SEC14L5: variants seen among roughly 807,000 people sequenced by gnomAD.
SEC14L5 encodes the protein SEC14-like protein 5.
Under a neutral mutation model 84.6 loss-of-function variants are expected in SEC14L5, and 96 were observed. The observed-to-expected ratio is 1.13, with a 90% CI of 0.96 to 1.34. The LOEUF (loss-of-function observed/expected upper bound fraction) is 1.34, where lower values mean the gene tolerates loss of function less well. Among genes scored for constraint, SEC14L5 ranks in the 40% most tolerant of loss-of-function variants. The probability of loss-of-function intolerance (pLI) is 0.00; values close to 1 mark genes in which losing one functional copy is unlikely to be tolerated. For synonymous variants in SEC14L5, 546 were observed against 383.4 expected (o/e 1.42, Z -4.95); for missense variants, 1,224 against 942.5 (o/e 1.30, Z -3.91).
At chr16:5,000,599 C>A in intron 8 of SEC14L5, 56 bp from the exon 9 acceptor site, 1 of 1,366,800 alleles carries the variant, frequency 7.3e-7, no homozygotes, top group African/African-American at 1.4e-5. Context: ...ACCTGCCCCT[C>A]GGAAGCAGTC....
intron 11 of SEC14L5, among the ~76,000 whole-genome samples, chr16:5,004,975 G>C (rs1156701456): frequency 6.6e-6 from 1 of 152,216 alleles, no homozygotes; most frequent in Non-Finnish European, 1.5e-5. Context: ...AAAGGGGCCA[G>C]ACACGGAAGT....
chr16:4,999,813 G>A (rs1955655444), intron 8 of SEC14L5, among the ~76,000 whole-genome samples: 3 of 152,030 alleles, frequency 2.0e-5, no homozygotes, highest in Non-Finnish European at 4.4e-5. Flanking sequence ...TACCTGGGAG[G>A]CCGAGGTGTG....
At chr16:4,986,382 C>T (rs112002990) in intron 2 of SEC14L5, among the ~76,000 whole-genome samples, 2 of 152,284 alleles carry the variant, frequency 1.3e-5, no homozygotes, top group African/African-American at 4.8e-5. Flanking sequence ...TCAGGTGATC[C>T]ACCTGCCTTG....
rs1235441943 is a variant in SEC14L5 at position 5,008,624 on chromosome 16, C to G, written c.1776C>G (p.Val592=). The change falls in exon 14 of 16, where the codon GTC becomes GTG. Residue 592 remains valine, a synonymous_variant. Transcript: ENST00000251170. The part of the protein sequence containing the change: ...RDYSRVEAPL[V]CREGESIQGS... ...ACAGCCGTGTGGAGGCTCCCCTTGT[C>G]TGCCGGGAGGGGGAGAGCATCCAGG... 1 of 1,605,746 alleles carries G rather than the reference C, an allele frequency of 6.2e-7. No individual in the cohort carries two copies. Among genetic ancestry groups the G allele is most frequent in the Admixed American group, 1.8e-5 (1 of 56,890 alleles).
chr16:5,008,289 C>A (rs1198256743), intron 13 of SEC14L5, 132 bp from the exon 14 acceptor site: 3 of 672,134 alleles, frequency 4.5e-6, no homozygotes. Context: ...GGAGGGCACT[C>A]CTGTAAGGAA....
chr16:5,013,483 C>G (rs1955831615), intron 15 of SEC14L5, among the ~76,000 whole-genome samples: 1 of 149,984 alleles, frequency 6.7e-6, no homozygotes, highest in African/African-American at 2.5e-5. Flanking sequence ...AACTCCCGGG[C>G]TCAAGCAATC....
chr16:5,003,548 G>A lies in SEC14L5; in HGVS notation c.1277G>A (p.Arg426Gln), dbSNP rs1955699705. The A allele has an allele frequency of 2.0e-6, 3 of 1,474,036 alleles. No individual in the cohort carries two copies. The highest frequency in any genetic ancestry group is 1.4e-5 in the African/African-American group (1 of 69,430). The allele number at this position is 1,474,036 out of a possible 1,614,324, so 91.3% of individuals were successfully genotyped here. The part of the protein sequence containing the change: ...LGRLLIVRAP[R>Q]VFPVLWTLIS... ...CGGCTGCTCATCGTGCGAGCCCCCC[G>A]AGTCTTCCCCGTGCTCTGGACACTG... Residue 426 changes from arginine (R) to glutamine (Q), a missense_variant, in exon 11 of 16, where the codon CGA becomes CAA. Coordinates refer to ENST00000251170, the MANE Select transcript of SEC14L5 (RefSeq NM_014692.2).
rs776857803 is a variant in SEC14L5, at chr16:5,005,990, G to A, written c.1379G>A (p.Gly460Asp). 1 of 1,613,668 alleles carries A rather than the reference G, an allele frequency of 6.2e-7. No individual in the cohort carries two copies. The highest frequency in any genetic ancestry group is 8.5e-7 in the Non-Finnish European group (1 of 1,179,790). Residue 460 changes from glycine (G) to aspartate (D), a missense_variant, in exon 12 of 16, where the codon GGC (glycine) becomes GAC (aspartate). Physicochemically the swap from Gly to Asp is moderately conservative, Grantham distance 94 (BLOSUM62 -1). Coordinates refer to ENST00000251170, the MANE Select transcript of SEC14L5 (RefSeq NM_014692.2). ...YSGSNYQGPGGLVDYLDREVI... is the reference protein window; with the variant it reads ...YSGSNYQGPGDLVDYLDREVI... ...GGCAGCAACTACCAGGGACCCGGAG[G>A]CCTTGTGGACTATCTGGATAGAGAA...
At chr16:4,986,355 G>T (rs1298663904) in intron 2 of SEC14L5, among the ~76,000 whole-genome samples, 2 of 152,154 alleles carry the variant, frequency 1.3e-5, no homozygotes, top group Non-Finnish European at 2.9e-5. Context: ...GGCCAGGCTG[G>T]TCTTGAACTC....
Position 4,987,500 on chromosome 16 carries a change from G to A in SEC14L5, c.64-57G>A, listed in dbSNP as rs527352233. On this transcript the variant is annotated intron_variant, in intron 2 of 15. Transcript: ENST00000251170. ...ACAGCAGATAAGGAGGTCGCGCTGG[G>A]GGGGGGGGTCCCTCTGCCCCCCCCA... The A allele has an allele frequency of 4.4e-5, 55 of 1,258,014 alleles. No homozygotes were observed. The East Asian group carries it at 5.1e-4, about 12-fold the overall frequency. 77.9% of individuals were successfully genotyped at this position (1,258,014 alleles called of 1,614,324 possible).
chr16:4,998,563 C>G (rs1218502440), intron 8 of SEC14L5, among the ~76,000 whole-genome samples: 2 of 148,586 alleles, frequency 1.3e-5, no homozygotes, highest in African/African-American at 4.9e-5. Flanking sequence ...ACGGTGAAAC[C>G]CCGTCTCTAC....
chr16:5,003,312 G>A lies in SEC14L5; in HGVS notation c.1131-90G>A, dbSNP rs74005473. 2,460 of 997,258 alleles carry A rather than the reference G, an allele frequency of 2.5e-3. 35 individuals carry two copies. The African/African-American group carries it at 0.034, about 14-fold the overall frequency. The allele number at this position is 997,258 out of a possible 1,614,324, so 61.8% of individuals were successfully genotyped here. A position where few individuals can be genotyped will look rare whatever the true frequency, so the allele number is the denominator to read the frequency against. On this transcript the variant is annotated intron_variant, in intron 10 of 15. Coordinates refer to ENST00000251170, the MANE Select transcript of SEC14L5 (RefSeq NM_014692.2). ...CCATCTGCTCCCAGCCCTATCTCTC[G>A]GAGCCTCCCTGTTCATCCCCTGTGG...
At chr16:5,013,686 G>C (rs1321989137) in intron 15 of SEC14L5, among the ~76,000 whole-genome samples, 1 of 150,492 alleles carries the variant, frequency 6.6e-6, no homozygotes, top group African/African-American at 2.4e-5. Flanking sequence ...AGCCTCCTGA[G>C]TAGCTGGGAT....
intron 2 of SEC14L5, among the ~76,000 whole-genome samples, chr16:4,984,035 A>G (rs945666259): frequency 2.0e-5 from 3 of 152,214 alleles, no homozygotes; most frequent in Admixed American, 6.5e-5. Context: ...TTCACATATC[A>G]TACAACTCAT....
At chr16:4,959,531 T>C in intron 2 of SEC14L5, 145 bp downstream of exon 2, 1 of 711,964 alleles carries the variant, frequency 1.4e-6, no homozygotes, top group Non-Finnish European at 2.5e-6. Context: ...GTTTAACTTC[T>C]ATCCAGTGAC....
chr16:4,960,520 G>A (rs1955109547), intron 2 of SEC14L5: 2 of 152,122 alleles, frequency 1.3e-5, no homozygotes, highest in African/African-American at 4.8e-5. Flanking sequence ...TATGTTTATT[G>A]TCACACAGAG....
intron 2 of SEC14L5, among the ~76,000 whole-genome samples, chr16:4,983,095 TG>T (rs548479528): frequency 1.2e-3 from 186 of 152,198 alleles, no homozygotes; most frequent in African/African-American, 4.3e-3. Context: ...CTCTGCTTCC[TG>T]GGTTCAAGCG....
At chr16:4,969,530 C>G (rs1955248800) in intron 2 of SEC14L5, among the ~76,000 whole-genome samples, 1 of 152,034 alleles carries the variant, frequency 6.6e-6, no homozygotes, top group Non-Finnish European at 1.5e-5. Flanking sequence ...ATTACAGGTG[C>G]CTGCCACCAT....
chr16:4,973,032 G>T (rs1955298817), intron 2 of SEC14L5, among the ~76,000 whole-genome samples: 1 of 152,228 alleles, frequency 6.6e-6, no homozygotes, highest in Admixed American at 6.5e-5. Flanking sequence ...GATGTCAGGG[G>T]CTGGTGATGC....
Sources: allele counts gnomAD v4.1 joint callset (sites outside exome capture counted in the v4.1 genomes callset), GRCh38; gene constraint gnomAD v4.1.1; transcripts MANE v1.5; gene names NCBI Gene and HGNC (gene_info 2026-07-23, HGNC 2026-07-21).